Variants in ARMC3 observed in about 807,000 individuals in gnomAD.
The protein encoded by ARMC3 is armadillo repeat containing 3.
ARMC3 carries 74 observed loss-of-function variants against 90.3 expected under a neutral mutation model. The observed-to-expected ratio is 0.82, with a 90% CI of 0.68 to 0.99. The LOEUF is 0.99. Ranked by LOEUF, ARMC3 falls within the 50% of genes least tolerant of loss-of-function variation. The probability of loss-of-function intolerance (pLI) is 0.00; values close to 1 mark genes in which losing one functional copy is unlikely to be tolerated. For missense variants in ARMC3, 958 were observed against 1,042.8 expected (o/e 0.92, Z 1.12); for synonymous variants, 334 against 361.8 (o/e 0.92, Z 0.87).
At chr10:22,955,766 G>A (rs570665734) in intron 3 of ARMC3, 41 bp from the exon 4 acceptor site, 3 of 1,609,184 alleles carry the variant, frequency 1.9e-6, no homozygotes, top group East Asian at 2.2e-5. Flanking sequence ...TGATGAGATC[G>A]ATAATATCCA....
intron 2 of ARMC3, 76 bp downstream of exon 2, chr10:22,932,120 G>GTACC: frequency 7.5e-7 from 1 of 1,339,502 alleles, no homozygotes; most frequent in Non-Finnish European, 1.0e-6. Flanking sequence ...AGTTTGGCAT[G>GTACC]TACCAGTATA....
At chr10:23,003,000 A>C (rs1837384903) in intron 12 of ARMC3, among the ~76,000 whole-genome samples, 1 of 152,246 alleles carries the variant, frequency 6.6e-6, no homozygotes, top group Non-Finnish European at 1.5e-5. Flanking sequence ...AGATGAACAA[A>C]GAACTTTTTC....
intron 10 of ARMC3, among the ~76,000 whole-genome samples, chr10:22,991,889 G>A (rs1836727370): frequency 6.6e-6 from 1 of 152,166 alleles, no homozygotes; most frequent in African/African-American, 2.4e-5. Flanking sequence ...CTTTGGGATT[G>A]TATCCCTTGT....
chr10:23,038,511 T>G lies in ARMC3; in HGVS notation c.*1032T>G, dbSNP rs1043968931. The G allele has an allele frequency of 6.6e-6, 1 of 152,208 alleles. No individual in the cohort carries two copies. The highest frequency in any genetic ancestry group is 1.5e-5 in the Non-Finnish European group (1 of 68,034). 9.4% of individuals were successfully genotyped at this position (152,208 alleles called of 1,614,324 possible). On this transcript the variant is annotated 3_prime_UTR_variant, in exon 19 of 19. Coordinates refer to ENST00000298032, the MANE Select transcript of ARMC3 (RefSeq NM_173081.5). ...TATAATTCTTTATTTCAGAATAAATTTATTTCAAATGGCGTGGTAATTATA... is the reference window on the plus strand; with the variant it reads ...TATAATTCTTTATTTCAGAATAAATGTATTTCAAATGGCGTGGTAATTATA...
intron 7 of ARMC3, among the ~76,000 whole-genome samples, chr10:22,964,157 T>A (rs892511820): frequency 1.3e-5 from 2 of 152,072 alleles, no homozygotes; most frequent in Non-Finnish European, 2.9e-5. Context: ...CAATTGAACT[T>A]ATAATACCTT....
Position 22,959,280 on chromosome 10 carries a change from AAG to A in ARMC3, c.362-116_362-115del, listed in dbSNP as rs1835091331. The A allele has an allele frequency of 4.5e-6, 6 of 1,327,570 alleles. No individual in the cohort carries two copies. In the African/African-American group the frequency reaches 5.9e-5, roughly 13 times the overall value. 82.2% of individuals were successfully genotyped at this position (1,327,570 alleles called of 1,614,324 possible). A position where few individuals can be genotyped will look rare whatever the true frequency, so the allele number is the denominator to read the frequency against. On this transcript the variant is annotated intron_variant, in intron 5 of 18. Transcript: ENST00000298032. ...CCACAGCTCAATTTTGAGTTTATAA[AAG>A]AGGTGAGCTTTAAGCAAGATACAAT...
chr10:22,963,637 A>G (rs956687642), intron 7 of ARMC3, among the ~76,000 whole-genome samples: 2 of 152,038 alleles, frequency 1.3e-5, no homozygotes, highest in Admixed American at 6.6e-5. Flanking sequence ...CACACCTGTA[A>G]TCCCAGCACT....
chr10:22,953,530 T>C (rs1031971187), intron 3 of ARMC3, among the ~76,000 whole-genome samples: 2 of 152,020 alleles, frequency 1.3e-5, no homozygotes, highest in East Asian at 3.8e-4. Context: ...AAACTTTCTC[T>C]CCCTAATAAA....
chr10:22,992,683 T>C (rs186027683), intron 10 of ARMC3, among the ~76,000 whole-genome samples: 2 of 152,300 alleles, frequency 1.3e-5, no homozygotes, highest in East Asian at 3.9e-4. Context: ...TGTGGGGCTG[T>C]GGCGGGATGA....
intron 12 of ARMC3, 129 bp downstream of exon 12, chr10:23,002,184 C>A (rs886210964): frequency 3.0e-6 from 4 of 1,342,964 alleles, no homozygotes; most frequent in Admixed American, 2.9e-5. Context: ...CGCTGCATGT[C>A]CCCAGGGCGG....
rs201157292 is a variant in ARMC3, at chr10:23,030,743, C to T, written c.2193C>T (p.Thr731=). ...TCTCTATGTATGTGTATGAGGTGAC[C>T]AAATCAATACTGCCAATAACCAATA... The part of the protein sequence containing the change: ...PDFSMYVYEV[T]KSILPITNIK... The change falls in exon 17 of 19, where the codon ACC becomes ACT. Residue 731 remains threonine, a synonymous_variant. Coordinates refer to ENST00000298032, the MANE Select transcript of ARMC3 (RefSeq NM_173081.5). 3.7e-6 allele frequency: 6 copies of T among 1,613,638 alleles called. No individual in the cohort carries two copies. The South Asian group carries it at 5.5e-5, about 15-fold the overall frequency.
chr10:23,024,540 A>G (rs1192840492), intron 16 of ARMC3, among the ~76,000 whole-genome samples: 1 of 152,182 alleles, frequency 6.6e-6, no homozygotes, highest in Non-Finnish European at 1.5e-5. Flanking sequence ...TGATATTTTA[A>G]AGTAAAGGAA....
At chr10:22,998,115 T>A in intron 10 of ARMC3, 33 bp from the exon 11 acceptor site, 1 of 1,603,508 alleles carries the variant, frequency 6.2e-7, no homozygotes, top group Non-Finnish European at 8.5e-7. Flanking sequence ...TGAATTCAGA[T>A]GAATCACATT....
At chr10:22,962,979 A>G (rs979856953) in intron 7 of ARMC3, among the ~76,000 whole-genome samples, 2 of 152,196 alleles carry the variant, frequency 1.3e-5, no homozygotes, top group African/African-American at 4.8e-5. Flanking sequence ...ACTATATAGT[A>G]CACATTTTAT....
chr10:22,975,221 G>A (rs190209232), intron 8 of ARMC3, among the ~76,000 whole-genome samples: 1 of 152,072 alleles, frequency 6.6e-6, no homozygotes, highest in African/African-American at 2.4e-5. Context: ...AATTTAACTG[G>A]GTTTGGAATT....
intron 2 of ARMC3, among the ~76,000 whole-genome samples, chr10:22,936,227 C>T (rs1041125252): frequency 7.9e-5 from 12 of 151,956 alleles, no homozygotes; most frequent in African/African-American, 2.7e-4. Flanking sequence ...GAGGCTGAGG[C>T]GGGAGGATCG....
At chr10:22,956,824 T>G (rs1282965211) in intron 4 of ARMC3, among the ~76,000 whole-genome samples, 3 of 148,660 alleles carry the variant, frequency 2.0e-5, no homozygotes, top group African/African-American at 7.3e-5. Context: ...TATTATATAT[T>G]AAATAACGTA....
At chr10:22,948,042 G>T (rs1175892894) in intron 3 of ARMC3, among the ~76,000 whole-genome samples, 1 of 151,968 alleles carries the variant, frequency 6.6e-6, no homozygotes, top group Non-Finnish European at 1.5e-5. Flanking sequence ...CTAAGATAGG[G>T]ACAATTTTGT....
intron 3 of ARMC3, among the ~76,000 whole-genome samples, chr10:22,948,153 T>C (rs2131196558): frequency 6.6e-6 from 1 of 152,320 alleles, no homozygotes; most frequent in Admixed American, 6.5e-5. Flanking sequence ...GCTTTGTCAC[T>C]CAGGTCATCA....
Sources: allele counts gnomAD v4.1 joint callset (sites outside exome capture counted in the v4.1 genomes callset), GRCh38; gene constraint gnomAD v4.1.1; transcripts MANE v1.5; gene names NCBI Gene and HGNC (gene_info 2026-07-23, HGNC 2026-07-21).